NID1: variants seen among roughly 807,000 people sequenced by gnomAD.
NID1 encodes the protein nidogen 1, also known as nidogen-1.
A neutral mutation model predicts 130.6 loss-of-function variants in NID1; 76 were observed. That is an observed-to-expected ratio of 0.58 (90% CI 0.48 to 0.70). The LOEUF (loss-of-function observed/expected upper bound fraction) is 0.70. Ranked by LOEUF, NID1 falls within the 30% of genes least tolerant of loss-of-function variation. The pLI is 0.00. For missense variants in NID1, 1,517 were observed against 1,664.8 expected (o/e 0.91, Z 1.54); for synonymous variants, 665 against 675.1 (o/e 0.98, Z 0.23).
chr1:236,031,643 C>T (rs1659105329), intron 6 of NID1, among the ~76,000 whole-genome samples: 1 of 152,086 alleles, frequency 6.6e-6, no homozygotes, highest in Non-Finnish European at 1.5e-5. Context: ...TACCTGTGCC[C>T]CAGCACAACA....
At chr1:236,047,855 C>G (rs1360317933) in intron 2 of NID1, among the ~76,000 whole-genome samples, 1 of 149,350 alleles carries the variant, frequency 6.7e-6, no homozygotes. Context: ...GGTGAAACCC[C>G]ATCTCTACTA....
intron 12 of NID1, 87 bp downstream of exon 12, chr1:236,011,834 G>T (rs1454120637): frequency 6.6e-7 from 1 of 1,505,326 alleles, no homozygotes. Flanking sequence ...CATGTGCTCT[G>T]GATTCATGGA....
intron 12 of NID1, among the ~76,000 whole-genome samples, chr1:236,000,736 C>A (rs1558427572): frequency 6.6e-6 from 1 of 152,218 alleles, no homozygotes; most frequent in Non-Finnish European, 1.5e-5. Context: ...AAAGTACATT[C>A]TTGACCTTGG....
chr1:236,046,429 G>A (rs1180357026), intron 2 of NID1, among the ~76,000 whole-genome samples: 2 of 152,138 alleles, frequency 1.3e-5, no homozygotes, highest in Admixed American at 6.6e-5. Flanking sequence ...GCCGTAAGAG[G>A]AAGCGTCCCA....
intron 1 of NID1, among the ~76,000 whole-genome samples, chr1:236,063,331 G>A (rs1660094572): frequency 6.6e-6 from 1 of 151,736 alleles, no homozygotes; most frequent in Admixed American, 6.6e-5. Flanking sequence ...AATTAGCCAA[G>A]TGTGGTGGCA....
At chr1:236,030,275 C>T (rs1365575872) in intron 6 of NID1, among the ~76,000 whole-genome samples, 1 of 152,162 alleles carries the variant, frequency 6.6e-6, no homozygotes. Flanking sequence ...ACCATGATGG[C>T]TTAGGAACTC....
rs565732414 is a variant in NID1 at position 236,051,336 on chromosome 1, G to T, written c.226-2347C>A. Among the ~76,000 whole-genome samples the T allele has an allele frequency of 2.0e-5, 3 of 146,842 alleles. No individual in the cohort carries two copies. In the East Asian group the frequency reaches 6.4e-4, roughly 31 times the overall value. ...AGTCACTTCACACTTCATTACTAGA[G>T]GAGAGTGCAGGGGCAGAAAAAAAGA... On this transcript the variant is annotated intron_variant, in intron 1 of 19. Coordinates refer to ENST00000264187, the MANE Select transcript of NID1 (RefSeq NM_002508.3).
intron 9 of NID1, among the ~76,000 whole-genome samples, chr1:236,022,287 AAAAT>A (rs1362378461): frequency 4.6e-5 from 7 of 152,002 alleles, no homozygotes; most frequent in Middle Eastern, 3.4e-3. Context: ...AAAATAAAAT[AAAAT>A]AAATAAATAA....
chr1:235,982,690 A>G (rs1477706149), intron 15 of NID1, among the ~76,000 whole-genome samples: 3 of 152,100 alleles, frequency 2.0e-5, no homozygotes, highest in East Asian at 3.9e-4. Flanking sequence ...GTGTTTTATT[A>G]TATAGTTTTT....
intron 15 of NID1, 130 bp downstream of exon 15, chr1:235,985,249 A>C: frequency 1.1e-6 from 1 of 922,004 alleles, no homozygotes; most frequent in Non-Finnish European, 1.7e-6. Context: ...ACTTTATCGT[A>C]GTAATGCAAC....
intron 12 of NID1, among the ~76,000 whole-genome samples, chr1:235,999,288 C>T (rs971039125): frequency 1.3e-5 from 2 of 152,242 alleles, no homozygotes; most frequent in Non-Finnish European, 2.9e-5. Flanking sequence ...AGTATTTGGT[C>T]AGCATAGAAA....
At chr1:236,044,475 G>A (rs1358402840) in intron 3 of NID1, among the ~76,000 whole-genome samples, 1 of 152,104 alleles carries the variant, frequency 6.6e-6, no homozygotes, top group Non-Finnish European at 1.5e-5. Context: ...ACTCTTCAAT[G>A]AGTGACATGA....
chr1:235,981,255 C>T (rs927232783), intron 16 of NID1, among the ~76,000 whole-genome samples: 1 of 152,204 alleles, frequency 6.6e-6, no homozygotes, highest in Non-Finnish European at 1.5e-5. Context: ...GGGTCTGCCC[C>T]TGAAAGCAGC....
intron 12 of NID1, among the ~76,000 whole-genome samples, chr1:235,996,735 G>A (rs1468526700): frequency 2.0e-5 from 3 of 152,116 alleles, no homozygotes; most frequent in African/African-American, 7.2e-5. Context: ...GAGCCACCAA[G>A]CCTGGCCACT....
intron 1 of NID1, among the ~76,000 whole-genome samples, chr1:236,063,479 A>AAATAAAT (rs1553351286): frequency 6.7e-6 from 1 of 148,340 alleles, no homozygotes; most frequent in African/African-American, 2.5e-5. Flanking sequence ...CTCAAAAAAA[A>AAATAAAT]AAATAAATAA....
In NID1 at chr1:235,977,981, G is replaced by A; in HGVS notation, c.3630C>T (p.Asn1210=). The A allele has an allele frequency of 6.2e-7, 1 of 1,614,084 alleles. No individual in the cohort carries two copies. The highest frequency in any genetic ancestry group is 1.1e-5 in the South Asian group (1 of 91,080). ...TALSQCPQGH[N]YCSVNNGGCT... Reference sequence around the variant, plus strand: ...AGCCGCCATTGTTCACTGAGCAGTAGTTATGGCCTGGAAAAGGCAGAAATC... The same window carrying A: ...AGCCGCCATTGTTCACTGAGCAGTAATTATGGCCTGGAAAAGGCAGAAATC... Residue 1210 remains asparagine, a synonymous_variant, in exon 20 of 20, where the codon AAC becomes AAT. Transcript: ENST00000264187.
intron 12 of NID1, among the ~76,000 whole-genome samples, chr1:235,995,792 C>G (rs1415279540): frequency 6.6e-6 from 1 of 152,236 alleles, no homozygotes; most frequent in African/African-American, 2.4e-5. Flanking sequence ...CACACCATAC[C>G]TGTATCTCAC....
intron 14 of NID1, among the ~76,000 whole-genome samples, chr1:235,988,821 T>C (rs879511532): frequency 8.6e-5 from 13 of 151,974 alleles, no homozygotes; most frequent in Admixed American, 3.3e-4. Flanking sequence ...AAGTCAAAAG[T>C]ATAAGGGCAG....
chr1:235,998,689 C>T (rs1481830416), intron 12 of NID1, among the ~76,000 whole-genome samples: 1 of 151,128 alleles, frequency 6.6e-6, no homozygotes, highest in Non-Finnish European at 1.5e-5. Context: ...AAAAAAAAAT[C>T]TGGTTTTGTT....
Sources: gnomAD v4.1 joint callset for allele counts (sites outside exome capture counted in the v4.1 genomes callset) on GRCh38, gnomAD v4.1.1 for gene constraint, MANE v1.5 for transcripts, NCBI Gene and HGNC (gene_info 2026-07-23, HGNC 2026-07-21) for gene names.